The following STXBP5L variants were observed in gnomAD, a reference collection of about 807,000 sequenced individuals.
STXBP5L encodes syntaxin binding protein 5L.
In STXBP5L, 65 loss-of-function variants were observed where a neutral mutation model predicts 144.5. That is an observed-to-expected ratio of 0.45 (90% confidence interval 0.37 to 0.55). The LOEUF is 0.55. Among genes scored for constraint, STXBP5L ranks in the 20% least tolerant of loss-of-function variants. The pLI, the probability that STXBP5L is intolerant of heterozygous loss-of-function variation, is 0.00. For missense variants in STXBP5L, 1,298 were observed against 1,405.5 expected, an observed-to-expected ratio of 0.92 and a Z score of 1.22; for synonymous variants, 505 against 469.6, an observed-to-expected ratio of 1.08 and a Z score of -0.97.
chr3:120,952,321 AC>A (rs1237806399), intron 2 of STXBP5L, among the ~76,000 whole-genome samples: 1 of 152,060 alleles, frequency 6.6e-6, no homozygotes, highest in South Asian at 2.1e-4. Flanking sequence ...ATCTGGGATG[AC>A]TTTTATTTAG....
At chr3:121,223,743 TAAC>T (rs1409895014) in intron 11 of STXBP5L, among the ~76,000 whole-genome samples, 3 of 152,142 alleles carry the variant, frequency 2.0e-5, no homozygotes, top group Non-Finnish European at 2.9e-5. Flanking sequence ...TTTGTAAACA[TAAC>T]AACTAGTCTA....
At chr3:121,077,586 G>A (rs1468056810) in intron 5 of STXBP5L, among the ~76,000 whole-genome samples, 2 of 152,130 alleles carry the variant, frequency 1.3e-5, no homozygotes, top group Non-Finnish European at 2.9e-5. Context: ...GGACCTGAGC[G>A]GGTTGCCACT....
At chr3:121,098,505 G>T (rs1023662331) in intron 5 of STXBP5L, among the ~76,000 whole-genome samples, 6 of 152,156 alleles carry the variant, frequency 3.9e-5, no homozygotes, top group Non-Finnish European at 7.3e-5. Flanking sequence ...TATAAGATTA[G>T]TCATCAAGGC....
At chr3:121,318,173 A>G (rs1259895063) in intron 19 of STXBP5L, among the ~76,000 whole-genome samples, 1 of 152,040 alleles carries the variant, frequency 6.6e-6, no homozygotes, top group Non-Finnish European at 1.5e-5. Flanking sequence ...AATTTTCAGA[A>G]TAGGCCAGGC....
intron 3 of STXBP5L, among the ~76,000 whole-genome samples, chr3:121,015,313 G>A (rs1314503442): frequency 6.6e-6 from 1 of 152,150 alleles, no homozygotes; most frequent in Non-Finnish European, 1.5e-5. Flanking sequence ...GAGCTTGGAA[G>A]TTGTTACTCC....
intron 5 of STXBP5L, among the ~76,000 whole-genome samples, chr3:121,110,729 A>C (rs1164423841): frequency 6.6e-6 from 1 of 152,086 alleles, no homozygotes; most frequent in Non-Finnish European, 1.5e-5. Context: ...CTTATGGAAT[A>C]TCTTACTGGG....
At chr3:121,369,325 G>A (rs1214639046) in intron 20 of STXBP5L, among the ~76,000 whole-genome samples, 1 of 141,884 alleles carries the variant, frequency 7.0e-6, no homozygotes, top group Admixed American at 7.0e-5. Context: ...TTCCATCTCA[G>A]AATCCTCCTG....
intron 5 of STXBP5L, among the ~76,000 whole-genome samples, chr3:121,113,672 C>CTTTTTTTTTTTTTT (rs1231857211): frequency 6.5e-4 from 80 of 122,564 alleles, no homozygotes; most frequent in Non-Finnish European, 9.1e-4. Flanking sequence ...TTTTCTTTTT[C>CTTTTTTTTTTTTTT]TTTTTTTTTT....
chr3:120,990,538 C>T lies in STXBP5L; in HGVS notation c.287+35501C>T, dbSNP rs561324501. Among the ~76,000 whole-genome samples, 39 of 152,178 alleles carry T rather than the reference C, an allele frequency of 2.6e-4. 1 individual carries two copies. The highest frequency in any genetic ancestry group is 1.4e-3 in the Admixed American group (22 of 15,254). On this transcript the variant is annotated intron_variant, in intron 3 of 26. Transcript: ENST00000471454. The stretch of plus-strand genomic sequence containing the variant: ...CAAAACAACAAAGCTGGAGGCATCA[C>T]GCTACCTGACTTCAAACTATACTAC...
In STXBP5L at chr3:121,191,400, G is replaced by A. The variant is rs143954231; in HGVS notation, c.878-14523G>A. 9.4e-3 allele frequency among the ~76,000 whole-genome samples: 1,438 copies of A among 152,284 alleles called. 14 individuals carry two copies. Among genetic ancestry groups the A allele is most frequent in the Non-Finnish European group, 0.015 (1,034 of 68,016 alleles). Reference sequence around the variant, plus strand: ...CAAAAAATATGAAAACCAGTCAGGCGTGGAGGCGCACGCCTGCAATCCCAG... The same window carrying A: ...CAAAAAATATGAAAACCAGTCAGGCATGGAGGCGCACGCCTGCAATCCCAG... On this transcript the variant is annotated intron_variant, in intron 9 of 26. Coordinates refer to ENST00000471454, the MANE Select transcript of STXBP5L (RefSeq NM_001308330.2).
intron 22 of STXBP5L, among the ~76,000 whole-genome samples, chr3:121,389,426 G>A (rs958637936): frequency 2.6e-5 from 4 of 152,088 alleles, no homozygotes; most frequent in African/African-American, 9.7e-5. Context: ...CCTTCTGTTA[G>A]CTTTTGAATT....
intron 9 of STXBP5L, among the ~76,000 whole-genome samples, chr3:121,191,524 CTG>C (rs769066465): frequency 6.6e-6 from 1 of 151,960 alleles, no homozygotes; most frequent in Non-Finnish European, 1.5e-5. Flanking sequence ...CAGAGGGAGA[CTG>C]TGCAAAGGGG....
chr3:121,089,768 C>G (rs1560115064), intron 5 of STXBP5L, among the ~76,000 whole-genome samples: 1 of 151,684 alleles, frequency 6.6e-6, no homozygotes, highest in Non-Finnish European at 1.5e-5. Context: ...TATTTTTTTA[C>G]TTATATTATT....
chr3:121,422,099 C>T lies in STXBP5L; in HGVS notation c.*3002C>T, dbSNP rs2047363529. 6.6e-6 allele frequency: 1 copy of T among 152,186 alleles called. No homozygotes were observed. Among genetic ancestry groups the T allele is most frequent in the African/African-American group, 2.4e-5 (1 of 41,398 alleles). The allele number at this position is 152,186 out of a possible 1,614,324, so 9.4% of individuals were successfully genotyped here. On this transcript the variant is annotated 3_prime_UTR_variant, in exon 27 of 27. Transcript: ENST00000471454. ...GTTCTGTTGCACTGACCTTAGCACG[C>T]ACGCACACACACACACACCATCGCC...
intron 3 of STXBP5L, among the ~76,000 whole-genome samples, chr3:120,996,786 A>T (rs1943383293): frequency 6.6e-6 from 1 of 152,118 alleles, no homozygotes; most frequent in Non-Finnish European, 1.5e-5. Flanking sequence ...AATGAGAGAA[A>T]TTCCCACTTT....
intron 3 of STXBP5L, among the ~76,000 whole-genome samples, chr3:120,976,333 G>C: frequency 6.6e-6 from 1 of 152,182 alleles, no homozygotes; most frequent in Admixed American, 6.5e-5. Context: ...TATTTGTGTA[G>C]AGGTGTTTGT....
intron 5 of STXBP5L, among the ~76,000 whole-genome samples, chr3:121,094,425 C>G (rs958716148): frequency 6.6e-6 from 1 of 152,016 alleles, no homozygotes; most frequent in Non-Finnish European, 1.5e-5. Flanking sequence ...TTATAGGTCA[C>G]TCAGGACTTG....
At chr3:121,365,580 T>A (rs916814782) in intron 20 of STXBP5L, among the ~76,000 whole-genome samples, 6 of 151,830 alleles carry the variant, frequency 4.0e-5, no homozygotes, top group African/African-American at 1.4e-4. Context: ...TAATACTATC[T>A]TAAAATTCTT....
At chr3:121,186,172 A>T (rs1211513) in intron 9 of STXBP5L, among the ~76,000 whole-genome samples, 35 of 152,188 alleles carry the variant, frequency 2.3e-4, no homozygotes, top group Admixed American at 2.0e-3. Context: ...TGCTGAAGTT[A>T]CCTATCAGCT....
Sources: allele counts gnomAD v4.1 joint callset (sites outside exome capture counted in the v4.1 genomes callset), GRCh38; gene constraint gnomAD v4.1.1; transcripts MANE v1.5; gene names NCBI Gene and HGNC (gene_info 2026-07-23, HGNC 2026-07-21).